The following XYLB variants were observed in gnomAD, a reference collection of about 807,000 sequenced individuals.
XYLB encodes the protein xylulokinase, also known as xylulose kinase.
Under a neutral mutation model 78.7 loss-of-function variants are expected in XYLB, and 62 were observed. That is an observed-to-expected ratio of 0.79 (90% CI 0.64 to 0.97). The LOEUF is 0.97. Ranked by LOEUF, XYLB falls within the 50% of genes least tolerant of loss-of-function variation. XYLB has a pLI of 0.00. For missense variants in XYLB, 687 were observed against 676.8 expected (o/e 1.02, Z -0.17); for synonymous variants, 245 against 247.4 (o/e 0.99, Z 0.09).
chr3:38,350,314 T>G (rs1434162234), intron 2 of XYLB, among the ~76,000 whole-genome samples: 2 of 152,236 alleles, frequency 1.3e-5, no homozygotes, highest in Non-Finnish European at 2.9e-5. Flanking sequence ...AGTTGGTATG[T>G]TTCAAGGAAT....
At chr3:38,382,338 A>G (rs1241860548) in intron 15 of XYLB, among the ~76,000 whole-genome samples, 1 of 152,108 alleles carries the variant, frequency 6.6e-6, no homozygotes, top group Non-Finnish European at 1.5e-5. Context: ...AGATGAAACT[A>G]TTTACTATTG....
the XYLB span, among the ~76,000 whole-genome samples, chr3:38,438,306 G>A: frequency 6.6e-6 from 1 of 152,038 alleles, no homozygotes; most frequent in Non-Finnish European, 1.5e-5. Flanking sequence ...TTTAACCAAG[G>A]AAGTGAAAGA....
intron 2 of XYLB, among the ~76,000 whole-genome samples, chr3:38,357,464 G>T (rs1424699960): frequency 1.3e-5 from 2 of 150,558 alleles, no homozygotes; most frequent in Non-Finnish European, 2.9e-5. Context: ...TCGGCTCACT[G>T]CAAGCTCCAC....
intron 4 of XYLB, among the ~76,000 whole-genome samples, chr3:38,364,306 T>C (rs1400354566): frequency 1.3e-5 from 2 of 151,804 alleles, no homozygotes; most frequent in African/African-American, 4.8e-5. Flanking sequence ...TCTCCAGCGC[T>C]ATCTGCTTGT....
At chr3:38,360,241 T>C in intron 2 of XYLB, 98 bp from the exon 3 acceptor site, 1 of 1,160,498 alleles carries the variant, frequency 8.6e-7, no homozygotes, top group Non-Finnish European at 1.3e-6. Flanking sequence ...CTCCTTCATC[T>C]GGACATTTCC....
At chr3:38,385,699 C>T (rs979478380) in intron 15 of XYLB, among the ~76,000 whole-genome samples, 3 of 152,236 alleles carry the variant, frequency 2.0e-5, no homozygotes, top group African/African-American at 7.2e-5. Flanking sequence ...TTGAGCATTT[C>T]CATAGCTTCT....
the XYLB span, among the ~76,000 whole-genome samples, chr3:38,447,668 T>A: frequency 6.6e-6 from 1 of 151,994 alleles, no homozygotes; most frequent in Non-Finnish European, 1.5e-5. Flanking sequence ...CTAGCACAGT[T>A]ATTATGGAAA....
downstream of XYLB, among the ~76,000 whole-genome samples, chr3:38,419,577 T>TA (rs1708907040): frequency 2.0e-5 from 2 of 98,558 alleles, no homozygotes; most frequent in Middle Eastern, 5.0e-3. Flanking sequence ...GTTATTTTTC[T>TA]TTATATATAT....
intron 2 of XYLB, chr3:38,355,625 T>A: frequency 3.1e-6 from 2 of 647,146 alleles, no homozygotes; most frequent in South Asian, 3.5e-5. Flanking sequence ...TTCAGCCATG[T>A]GACTGAGTTC....
chr3:38,427,782 A>G, the XYLB span, among the ~76,000 whole-genome samples: 1 of 151,976 alleles, frequency 6.6e-6, no homozygotes, highest in Non-Finnish European at 1.5e-5. Flanking sequence ...TAGTAGAGAC[A>G]GGTTTCATCA....
intron 14 of XYLB, among the ~76,000 whole-genome samples, chr3:38,378,593 C>T (rs1706986206): frequency 6.6e-6 from 1 of 151,972 alleles, no homozygotes; most frequent in African/African-American, 2.4e-5. Flanking sequence ...AGGATCTCAC[C>T]ATGGAAAGAG....
rs145490590 is a variant in XYLB at position 38,376,253 on chromosome 3, C to T, written c.1120+21C>T. 3.3e-4 allele frequency: 520 copies of T among 1,563,684 alleles called. 1 individual carries two copies. The African/African-American group carries it at 5.3e-3, about 16-fold the overall frequency. ...CCTGGGTAGGCCAGTTGGTGGTGCC[C>T]AGGCCTGTGAAGGGTCAGCAGCTGC... On this transcript the variant is annotated intron_variant, in intron 13 of 18. Coordinates refer to ENST00000207870, the MANE Select transcript of XYLB (RefSeq NM_005108.4).
At chr3:38,369,549 A>C (rs1412161652) in intron 8 of XYLB, among the ~76,000 whole-genome samples, 1 of 152,160 alleles carries the variant, frequency 6.6e-6, no homozygotes, top group African/African-American at 2.4e-5. Flanking sequence ...CTCTCCACCC[A>C]TGCTCTGGGT....
At chr3:38,361,411 C>G (rs1459499576) in intron 3 of XYLB, among the ~76,000 whole-genome samples, 1 of 151,008 alleles carries the variant, frequency 6.6e-6, no homozygotes, top group East Asian at 1.9e-4. Flanking sequence ...ATATTACATT[C>G]TTTTTGTTCA....
At chr3:38,377,067 A>G (rs1706898125) in intron 14 of XYLB, 76 bp downstream of exon 14, 2 of 1,326,998 alleles carry the variant, frequency 1.5e-6, no homozygotes, top group East Asian at 2.3e-5. Flanking sequence ...CTATCAAATT[A>G]TGTTACTTTT....
intron 2 of XYLB, among the ~76,000 whole-genome samples, chr3:38,353,786 C>T (rs1276030195): frequency 6.7e-6 from 1 of 149,530 alleles, no homozygotes; most frequent in Non-Finnish European, 1.5e-5. Flanking sequence ...ACTTGGGAGG[C>T]TGAGGCAGGA....
At chr3:38,365,768 G>T (rs1706226294) in intron 6 of XYLB, 32 bp downstream of exon 6, 1 of 1,592,442 alleles carries the variant, frequency 6.3e-7, no homozygotes, top group Non-Finnish European at 8.6e-7. Flanking sequence ...TGCAGGGGGT[G>T]GTCTGGTTGC....
chr3:38,362,077 C>T (rs1023426047), intron 3 of XYLB, among the ~76,000 whole-genome samples: 6 of 152,178 alleles, frequency 3.9e-5, no homozygotes, highest in African/African-American at 1.4e-4. Flanking sequence ...CATCTCTATC[C>T]ACTCCCTCCA....
chr3:38,381,308 C>T (rs1707132434), intron 15 of XYLB, among the ~76,000 whole-genome samples: 1 of 152,188 alleles, frequency 6.6e-6, no homozygotes, highest in Non-Finnish European at 1.5e-5. Flanking sequence ...ATTTCCTATG[C>T]CTGTCTTTAC....
Sources: allele counts gnomAD v4.1 joint callset (sites outside exome capture counted in the v4.1 genomes callset), GRCh38; gene constraint gnomAD v4.1.1; transcripts MANE v1.5; gene names NCBI Gene and HGNC (gene_info 2026-07-23, HGNC 2026-07-21).